Variants in CDKL5 observed in about 807,000 individuals in gnomAD.
The protein encoded by CDKL5 is cyclin dependent kinase like 5.
Under a neutral mutation model 61.7 loss-of-function variants are expected in CDKL5, and 8 were observed. The ratio of observed to expected loss-of-function variants is 0.13; its 90% CI spans 0.08 to 0.23. The LOEUF is 0.23. Ranked by LOEUF, CDKL5 falls within the 10% of genes least tolerant of loss-of-function variation. The pLI is 1.00. For synonymous variants in CDKL5, 275 were observed against 272.3 expected (o/e 1.01, Z -0.10); for missense variants, 440 against 734.5 (o/e 0.60, Z 4.63).
At chrX:18,551,790 A>G (rs1347814884) in intron 3 of CDKL5, among the ~76,000 whole-genome samples, 1 of 106,817 alleles carries the variant, frequency 9.4e-6, no homozygotes, top group Admixed American at 1.0e-4. Context: ...ACAGGGTTTC[A>G]CCATGTTGCC....
chrX:18,578,698 A>G (rs149227654), intron 5 of CDKL5, among the ~76,000 whole-genome samples: 3 of 111,827 alleles, frequency 2.7e-5, no homozygotes, highest in Non-Finnish European at 5.6e-5. Context: ...TTGCATCTCA[A>G]TCCTCTAAGT....
intron 3 of CDKL5, among the ~76,000 whole-genome samples, chrX:18,539,281 G>A (rs913416112): frequency 9.0e-6 from 1 of 111,081 alleles, no homozygotes. Context: ...CTAGTCTTGA[G>A]AGAAGAATTT....
chrX:18,496,458 A>G (rs1365111156), intron 1 of CDKL5, among the ~76,000 whole-genome samples: 1 of 111,694 alleles, frequency 9.0e-6, no homozygotes, highest in East Asian at 2.8e-4. Context: ...CATAGGTAGC[A>G]GCTTTCAGGG....
At chrX:18,452,178 C>T (rs899010418) in intron 1 of CDKL5, among the ~76,000 whole-genome samples, 1 of 111,335 alleles carries the variant, frequency 9.0e-6, no homozygotes, top group Non-Finnish European at 1.9e-5. Context: ...GGCTCAGACT[C>T]AAGGGGAAAA....
At chrX:18,463,123 G>A (rs1932327228) in intron 1 of CDKL5, among the ~76,000 whole-genome samples, 1 of 110,536 alleles carries the variant, frequency 9.0e-6, no homozygotes, top group African/African-American at 3.3e-5. Flanking sequence ...AGTGAGCCTT[G>A]ACAGCTGGCT....
At position 18,631,446 on chromosome X, in the gene CDKL5, TCA is replaced by T. The variant is rs1223630111; in HGVS notation, c.*2693_*2694del. 1 of 752,239 alleles carries T rather than the reference TCA, an allele frequency of 1.3e-6. No individual in the cohort carries two copies. The highest frequency in any genetic ancestry group is 8.8e-5 in the Admixed American group (1 of 11,426). The allele number at this position is 752,239 out of a possible 1,213,427, so 62.0% of individuals were successfully genotyped here. On this transcript the variant is annotated 3_prime_UTR_variant, in exon 18 of 18. Coordinates refer to ENST00000623535, the MANE Select transcript of CDKL5 (RefSeq NM_001323289.2). Reference sequence around the variant, plus strand: ...CGGAGGGGGATGCAAAAGTTTTCTCTCACACCTAATGGGCCCTCTCTTAGCTT... The same window carrying T: ...CGGAGGGGGATGCAAAAGTTTTCTCTCACCTAATGGGCCCTCTCTTAGCTT...
chrX:18,427,319 G>A (rs1189997745), intron 1 of CDKL5, among the ~76,000 whole-genome samples: 1 of 105,621 alleles, frequency 9.5e-6, no homozygotes, highest in Non-Finnish European at 1.9e-5. Context: ...TTTTTTCGGG[G>A]CGGGGGTTGG....
chrX:18,610,518 G>A lies in CDKL5; in HGVS notation c.2152+948G>A, dbSNP rs775664835. On this transcript the variant is annotated intron_variant, in intron 14 of 17. Coordinates refer to ENST00000623535, the MANE Select transcript of CDKL5 (RefSeq NM_001323289.2). ...TTGTGAGACATTCAGTTCTCTTCGTGTTCTCTTCTTTTTATTCTCATTGAC... is the reference window on the plus strand; with the variant it reads ...TTGTGAGACATTCAGTTCTCTTCGTATTCTCTTCTTTTTATTCTCATTGAC... Among the ~76,000 whole-genome samples, 3 of 112,769 alleles carry A rather than the reference G, an allele frequency of 2.7e-5. No homozygotes were observed. The South Asian group carries it at 1.1e-3, about 41-fold the overall frequency.
intron 4 of CDKL5, among the ~76,000 whole-genome samples, chrX:18,568,814 C>T (rs1221062965): frequency 1.8e-5 from 2 of 110,366 alleles, no homozygotes; most frequent in African/African-American, 6.6e-5. Context: ...CTGTCTCAGC[C>T]TCCCAAAGTA....
rs558530574 is a variant in CDKL5, at chrX:18,529,962, C to T, written c.99+19108C>T. Among the ~76,000 whole-genome samples, 36 of 111,175 alleles carry T rather than the reference C, an allele frequency of 3.2e-4. No individual in the cohort carries two copies. In the South Asian group the frequency reaches 0.012, roughly 38 times the overall value. ...TTCTCCCTTGTCTCACTTTTCTCTTCGTATTCCAATTACATATGTTACACC... is the reference window on the plus strand; with the variant it reads ...TTCTCCCTTGTCTCACTTTTCTCTTTGTATTCCAATTACATATGTTACACC... On this transcript the variant is annotated intron_variant, in intron 3 of 17. Coordinates refer to ENST00000623535, the MANE Select transcript of CDKL5 (RefSeq NM_001323289.2).
intron 21 of CDKL5, among the ~76,000 whole-genome samples, chrX:18,651,264 T>TGTGTGTGTGAGA (rs1491242962): frequency 1.3e-4 from 9 of 69,012 alleles, no homozygotes; most frequent in African/African-American, 5.6e-4. Flanking sequence ...TGTGTGTGTG[T>TGTGTGTGTGAGA]GAGAGAGAGA....
chrX:18,485,889 AT>A (rs1921772160), intron 1 of CDKL5, among the ~76,000 whole-genome samples: 3 of 111,410 alleles, frequency 2.7e-5, no homozygotes, highest in Non-Finnish European at 3.8e-5. Context: ...TTTAAAATAG[AT>A]TTTTTTTAAA....
At chrX:18,603,285 A>C (rs1926236104) in intron 11 of CDKL5, among the ~76,000 whole-genome samples, 1 of 111,908 alleles carries the variant, frequency 8.9e-6, no homozygotes, top group Non-Finnish European at 1.9e-5. Context: ...ATTGATCATC[A>C]TGTTTTCCAA....
Position 18,613,222 on chromosome X carries a change from A to G in CDKL5, c.2223A>G (p.Ser741=). The change falls in exon 15 of 18, where the codon TCA becomes TCG. Residue 741 remains serine, a synonymous_variant. Coordinates refer to ENST00000623535, the MANE Select transcript of CDKL5 (RefSeq NM_001323289.2). ...CAACTAGAGTTTCTTCTCTACCATC[A>G]GAGAGCAGTTCTGGAACCAACCACT... The part of the protein sequence containing the change: ...NVSTRVSSLP[S]ESSSGTNHSK... The G allele has an allele frequency of 8.3e-7, 1 of 1,203,270 alleles. No individual in the cohort carries two copies. Among genetic ancestry groups the G allele is most frequent in the Non-Finnish European group, 1.1e-6 (1 of 889,148 alleles).
chrX:18,634,165 T>G lies in CDKL5; in HGVS notation c.*5408T>G. 7 of 754,253 alleles carry G rather than the reference T, an allele frequency of 9.3e-6. No homozygotes were observed. Among genetic ancestry groups the G allele is most frequent in the Non-Finnish European group, 1.1e-5 (7 of 639,289 alleles). 62.2% of individuals were successfully genotyped at this position (754,253 alleles called of 1,213,427 possible). A position where few individuals can be genotyped will look rare whatever the true frequency, so the allele number is the denominator to read the frequency against. ...TGTTGTATGCAGATTAGAAGTTGCC[T>G]TGTTTGTTACTCTTCCAACACAGGG... On this transcript the variant is annotated 3_prime_UTR_variant, in exon 18 of 18. Transcript: ENST00000623535.
At chrX:18,513,832 G>C (rs1447722874) in intron 3 of CDKL5, among the ~76,000 whole-genome samples, 4 of 111,477 alleles carry the variant, frequency 3.6e-5, no homozygotes, top group Non-Finnish European at 5.6e-5. Context: ...ATGCTTTAGG[G>C]TCAAACAAAT....
chrX:18,508,490 AT>A (rs1430596339), intron 2 of CDKL5, among the ~76,000 whole-genome samples: 2 of 111,400 alleles, frequency 1.8e-5, no homozygotes, highest in Non-Finnish European at 3.8e-5. Flanking sequence ...AGCCTATTTT[AT>A]TTTTCAAAAG....
chrX:18,640,875 G>C (rs1927549471), downstream of CDKL5: 1 of 112,785 alleles, frequency 8.9e-6, no homozygotes, highest in East Asian at 2.8e-4. Flanking sequence ...TGCGCTCTAA[G>C]TGGCCAATGA....
intron 1 of CDKL5, among the ~76,000 whole-genome samples, chrX:18,482,819 G>A (rs1569192618): frequency 9.0e-6 from 1 of 111,307 alleles, no homozygotes; most frequent in Non-Finnish European, 1.9e-5. Context: ...ATTTAGCATA[G>A]TTCTAAATTG....
Sources: allele counts gnomAD v4.1 joint callset (sites outside exome capture counted in the v4.1 genomes callset), GRCh38; gene constraint gnomAD v4.1.1; transcripts MANE v1.5; gene names NCBI Gene and HGNC (gene_info 2026-07-23, HGNC 2026-07-21).